Variants in NSMCE2 observed in about 807,000 individuals in gnomAD.
NSMCE2 encodes the protein NSE2 SUMO ligase component of SMC5/6 complex, also known as E3 SUMO-protein ligase NSE2.
NSMCE2 carries 24 observed loss-of-function variants against 23.8 expected under a neutral mutation model. That is an observed-to-expected ratio of 1.01 (90% CI 0.73 to 1.42). The LOEUF (loss-of-function observed/expected upper bound fraction) is 1.42. NSMCE2 is among the 40% of genes most tolerant of loss of function. NSMCE2 has a pLI of 0.00. For missense variants in NSMCE2, 284 were observed against 296.5 expected (o/e 0.96, Z 0.31); for synonymous variants, 92 against 94.1 (o/e 0.98, Z 0.13).
intron 3 of NSMCE2, among the ~76,000 whole-genome samples, chr8:125,143,304 A>G (rs1820483466): frequency 6.6e-6 from 1 of 152,180 alleles, no homozygotes; most frequent in African/African-American, 2.4e-5. Flanking sequence ...AAATATAGAA[A>G]AATCAAGTTT....
chr8:125,263,655 C>T (rs1422753350), intron 5 of NSMCE2, among the ~76,000 whole-genome samples: 3 of 151,668 alleles, frequency 2.0e-5, no homozygotes, highest in Non-Finnish European at 4.4e-5. Context: ...GAGGTTGAGG[C>T]AGGACAATCT....
chr8:125,154,572 A>T (rs1821211546), intron 4 of NSMCE2, among the ~76,000 whole-genome samples: 1 of 152,086 alleles, frequency 6.6e-6, no homozygotes. Context: ...TTATGCAGTG[A>T]ACACTAAAAA....
intron 5 of NSMCE2, among the ~76,000 whole-genome samples, chr8:125,281,496 G>A (rs1203716900): frequency 6.6e-6 from 1 of 151,976 alleles, no homozygotes; most frequent in Non-Finnish European, 1.5e-5. Flanking sequence ...TTGGAGTGCA[G>A]TGGCACAATC....
rs958210186 is a variant in NSMCE2, at chr8:125,102,042, T to C, written c.-110-9T>C. ...TTTAAGAACTGTGCTATTGTTGACT[T>C]CTTCACAGAATCAAGCACTCTTTTG... On this transcript the variant is annotated splice_polypyrimidine_tract_variant and intron_variant, in intron 1 of 7. Transcript: ENST00000287437. 2.6e-5 allele frequency: 7 copies of C among 270,480 alleles called. No homozygotes were observed. The highest frequency in any genetic ancestry group is 1.5e-4 in the African/African-American group (7 of 46,222). 16.8% of individuals were successfully genotyped at this position (270,480 alleles called of 1,614,324 possible).
At chr8:125,180,165 A>G (rs1270711583) in intron 4 of NSMCE2, among the ~76,000 whole-genome samples, 3 of 152,248 alleles carry the variant, frequency 2.0e-5, no homozygotes, top group Admixed American at 1.3e-4. Flanking sequence ...ATAGCTAGTC[A>G]CCGTGTATAA....
Position 125,242,972 on chromosome 8 carries a change from A to G in NSMCE2, c.418+60716A>G, listed in dbSNP as rs887780086. ...CTAAAAGTTTATATCAAAAACCCACAACATTTTTGATAGAACACTCACAAT... is the reference window on the plus strand; with the variant it reads ...CTAAAAGTTTATATCAAAAACCCACGACATTTTTGATAGAACACTCACAAT... On this transcript the variant is annotated intron_variant, in intron 5 of 7. Coordinates refer to ENST00000287437, the MANE Select transcript of NSMCE2 (RefSeq NM_173685.4). Among the ~76,000 whole-genome samples, 9 of 152,206 alleles carry G rather than the reference A, an allele frequency of 5.9e-5. 1 individual carries two copies. Among genetic ancestry groups the G allele is most frequent in the Admixed American group, 5.2e-4 (8 of 15,290 alleles).
At chr8:125,167,025 A>T (rs929765529) in intron 4 of NSMCE2, among the ~76,000 whole-genome samples, 1 of 152,308 alleles carries the variant, frequency 6.6e-6, no homozygotes, top group Admixed American at 6.5e-5. Flanking sequence ...AGCACCACGT[A>T]TGTGGATTCC....
At chr8:125,185,560 C>G (rs1234986421) in intron 5 of NSMCE2, among the ~76,000 whole-genome samples, 1 of 152,196 alleles carries the variant, frequency 6.6e-6, no homozygotes, top group African/African-American at 2.4e-5. Flanking sequence ...CTCGCCTCAG[C>G]CTCCCAAAAT....
intron 5 of NSMCE2, among the ~76,000 whole-genome samples, chr8:125,228,767 C>T (rs1825202783): frequency 6.6e-6 from 1 of 152,142 alleles, no homozygotes; most frequent in Non-Finnish European, 1.5e-5. Context: ...GCAAGATAAT[C>T]AATTCATACG....
At chr8:125,243,312 A>C (rs774303474) in intron 5 of NSMCE2, among the ~76,000 whole-genome samples, 4 of 152,278 alleles carry the variant, frequency 2.6e-5, no homozygotes, top group African/African-American at 9.6e-5. Context: ...AAGTAGTGCT[A>C]TGTTTAAAGT....
intron 3 of NSMCE2, among the ~76,000 whole-genome samples, chr8:125,134,081 G>GAAAGCAAATTATAGTAC (rs1819927239): frequency 6.6e-6 from 1 of 152,322 alleles, no homozygotes; most frequent in Non-Finnish European, 1.5e-5. Flanking sequence ...CTAGATTAGA[G>GAAAGCAAATTATAGTAC]AAAGCAAATT....
At chr8:125,169,213 G>A (rs183706068) in intron 4 of NSMCE2, among the ~76,000 whole-genome samples, 3 of 152,146 alleles carry the variant, frequency 2.0e-5, no homozygotes, top group African/African-American at 7.2e-5. Context: ...ACTCAGTAAA[G>A]CCTGCTATTC....
At chr8:125,236,841 C>G (rs535763472) in intron 5 of NSMCE2, among the ~76,000 whole-genome samples, 38 of 150,058 alleles carry the variant, frequency 2.5e-4, no homozygotes, top group African/African-American at 9.1e-4. Flanking sequence ...TGATCTTGCT[C>G]CTTTGCTAGA....
At chr8:125,111,715 G>A (rs1368239716) in intron 3 of NSMCE2, among the ~76,000 whole-genome samples, 3 of 152,150 alleles carry the variant, frequency 2.0e-5, no homozygotes, top group Non-Finnish European at 4.4e-5. Context: ...CACAAGAATT[G>A]CTTGAACCCA....
chr8:125,141,634 A>C (rs1820377996), intron 3 of NSMCE2, among the ~76,000 whole-genome samples: 1 of 152,184 alleles, frequency 6.6e-6, no homozygotes, highest in Non-Finnish European at 1.5e-5. Flanking sequence ...TGTTTTAAAA[A>C]TCTATGTCCT....
intron 5 of NSMCE2, among the ~76,000 whole-genome samples, chr8:125,224,529 A>G (rs1182026009): frequency 2.0e-5 from 3 of 152,224 alleles, no homozygotes; most frequent in Admixed American, 6.5e-5. Context: ...GTGTATCTAC[A>G]GTTTTCCCAA....
rs561163583 is a variant in NSMCE2 at position 125,155,570 on chromosome 8, G to T, written c.264+4293G>T. ...AGTAATGCAAGTCATGGCAGTAGTT[G>T]ATTTAAGAATTATTTTATTATCAAT... On this transcript the variant is annotated intron_variant, in intron 4 of 7. Coordinates refer to ENST00000287437, the MANE Select transcript of NSMCE2 (RefSeq NM_173685.4). Among the ~76,000 whole-genome samples the T allele has an allele frequency of 2.0e-5, 3 of 152,252 alleles. No homozygotes were observed. In the South Asian group the frequency reaches 6.2e-4, roughly 32 times the overall value.
At chr8:125,196,035 C>T (rs1375874006) in intron 5 of NSMCE2, among the ~76,000 whole-genome samples, 1 of 151,266 alleles carries the variant, frequency 6.6e-6, no homozygotes, top group Non-Finnish European at 1.5e-5. Context: ...TGCCTGCCAC[C>T]ATGTGAAGCT....
intron 5 of NSMCE2, among the ~76,000 whole-genome samples, chr8:125,307,375 T>C (rs569570541): frequency 1.4e-4 from 21 of 152,336 alleles, no homozygotes; most frequent in African/African-American, 4.6e-4. Context: ...AGCCATCGTG[T>C]TGTCTGTTTC....
Sources: gnomAD v4.1 joint callset for allele counts (sites outside exome capture counted in the v4.1 genomes callset) on GRCh38, gnomAD v4.1.1 for gene constraint, MANE v1.5 for transcripts, NCBI Gene and HGNC (gene_info 2026-07-23, HGNC 2026-07-21) for gene names.